The following C1orf174 variants were observed in gnomAD, a reference collection of about 807,000 sequenced individuals.
C1orf174 encodes UPF0688 protein C1orf174.
In C1orf174, 13 loss-of-function variants were observed where a neutral mutation model predicts 18.4. The ratio of observed to expected loss-of-function variants is 0.71; its 90% CI spans 0.46 to 1.12. The LOEUF (loss-of-function observed/expected upper bound fraction) is 1.12. C1orf174 is among the 50% of genes most tolerant of loss of function. The pLI is 0.00. For missense variants in C1orf174, 309 were observed against 308.0 expected (o/e 1.00, Z -0.02); for synonymous variants, 100 against 118.3 (o/e 0.85, Z 1.01).
At chr1:3,894,606 C>CA (rs56302416) in intron 1 of C1orf174, among the ~76,000 whole-genome samples, 56,022 of 112,146 alleles carry the variant, frequency 0.5, 13,717 homozygotes, top group Non-Finnish European at 0.57. Flanking sequence ...GACTCCGTCT[C>CA]AAAAAAAAAA....
At chr1:3,896,576 C>T (rs530640091) in intron 1 of C1orf174, among the ~76,000 whole-genome samples, 2 of 152,242 alleles carry the variant, frequency 1.3e-5, no homozygotes, top group Admixed American at 6.5e-5. Context: ...GGAGAAGTTC[C>T]GGCCTAAGGG....
intron 1 of C1orf174, among the ~76,000 whole-genome samples, chr1:3,893,844 C>T (rs1458623852): frequency 3.9e-5 from 6 of 152,174 alleles, no homozygotes; most frequent in African/African-American, 1.2e-4. Flanking sequence ...CTGTAGTGAG[C>T]TATGACTGCA....
Position 3,889,876 on chromosome 1 carries a change from A to C in C1orf174, c.*84T>G. 1 of 1,216,304 alleles carries C rather than the reference A, an allele frequency of 8.2e-7. No homozygotes were observed. Among genetic ancestry groups the C allele is most frequent in the East Asian group, 2.3e-5 (1 of 42,894 alleles). 75.3% of individuals were successfully genotyped at this position (1,216,304 alleles called of 1,614,324 possible). On this transcript the variant is annotated 3_prime_UTR_variant, in exon 4 of 4. Coordinates refer to ENST00000361605, the MANE Select transcript of C1orf174 (RefSeq NM_207356.3). ...TTGATTAAGACATTCTCTTGGAGAT[A>C]CATTTTATATAAATCTTGTAATGTG...
intron 1 of C1orf174, chr1:3,895,540 CA>C (rs879413993): frequency 0.12 from 17,593 of 143,404 alleles, 1,190 homozygotes; most frequent in East Asian, 0.25. Flanking sequence ...TGTTAACAGA[CA>C]CCTGAGGATC....
chr1:3,894,327 G>A (rs1238937226), intron 1 of C1orf174, among the ~76,000 whole-genome samples: 5 of 152,102 alleles, frequency 3.3e-5, no homozygotes, highest in Non-Finnish European at 5.9e-5. Flanking sequence ...ATCTGTCTCG[G>A]CTGGGCGCGG....
chr1:3,890,023 G>A lies in C1orf174; in HGVS notation c.669C>T (p.Phe223=). 1.2e-6 allele frequency: 2 copies of A among 1,614,160 alleles called. No homozygotes were observed. The highest frequency in any genetic ancestry group is 1.7e-6 in the Non-Finnish European group (2 of 1,180,038). The change falls in exon 4 of 4, where the codon TTC becomes TTT. Residue 223 remains phenylalanine, a synonymous_variant. Transcript: ENST00000361605. ...CTTTGGCTCTGAAATGCATTTTTCTGAACTCTCGTCTGCTCATTGAAGGAC... is the reference window on the plus strand; with the variant it reads ...CTTTGGCTCTGAAATGCATTTTTCTAAACTCTCGTCTGCTCATTGAAGGAC... ...SSCPSMSRRE[F]RKMHFRAKDD...
chr1:3,891,463 T>C (rs1638511940), intron 2 of C1orf174: 2 of 389,462 alleles, frequency 5.1e-6, no homozygotes, highest in Admixed American at 1.1e-4. Context: ...TATTCACCAA[T>C]TAGTGCCTGG....
At position 3,889,634 on chromosome 1, in the gene C1orf174, G is replaced by T. The variant is rs1638464025; in HGVS notation, c.*326C>A. On this transcript the variant is annotated 3_prime_UTR_variant, in exon 4 of 4. Transcript: ENST00000361605. ...CACTTGAACCCAGGAGGTGGAGGTT[G>T]CAGTGAGCCGAGATTGCGCCATTGC... 1 of 214,050 alleles carries T rather than the reference G, an allele frequency of 4.7e-6. No individual in the cohort carries two copies. Among genetic ancestry groups the T allele is most frequent in the African/African-American group, 2.3e-5 (1 of 42,894 alleles). The allele number at this position is 214,050 out of a possible 1,614,324, so 13.3% of individuals were successfully genotyped here.
At chr1:3,896,339 G>T (rs535495704) in intron 1 of C1orf174, among the ~76,000 whole-genome samples, 66 of 152,302 alleles carry the variant, frequency 4.3e-4, no homozygotes, top group African/African-American at 1.5e-3. Flanking sequence ...GAAGACTGGG[G>T]CCCCATCAAC....
chr1:3,892,595 G>A lies in C1orf174; in HGVS notation c.129+288C>T, dbSNP rs111288459. 283 of 414,804 alleles carry A rather than the reference G, an allele frequency of 6.8e-4. No individual in the cohort carries two copies. In the African/African-American group the frequency reaches 7.2e-3, roughly 11 times the overall value. 25.7% of individuals were successfully genotyped at this position (414,804 alleles called of 1,614,324 possible). On this transcript the variant is annotated intron_variant, in intron 2 of 3. Coordinates refer to ENST00000361605, the MANE Select transcript of C1orf174 (RefSeq NM_207356.3). ...ACGGGTGGGCGGGTGCTAGGATCAGGGCCCGGGTCTAGACACACACACGGG... is the reference window on the plus strand; with the variant it reads ...ACGGGTGGGCGGGTGCTAGGATCAGAGCCCGGGTCTAGACACACACACGGG...
intron 3 of C1orf174, 129 bp from the exon 4 acceptor site, chr1:3,890,202 T>C (rs1638479461): frequency 4.2e-6 from 3 of 718,798 alleles, no homozygotes; most frequent in East Asian, 5.4e-5. Flanking sequence ...TGAAAATGCC[T>C]GAGTCCCAGC....
chr1:3,893,165 G>A (rs1638546127), intron 1 of C1orf174, among the ~76,000 whole-genome samples, 169 bp from the exon 2 acceptor site: 1 of 152,170 alleles, frequency 6.6e-6, no homozygotes, highest in Non-Finnish European at 1.5e-5. Context: ...AAATGAAACT[G>A]TGCCTGGATT....
intron 2 of C1orf174, chr1:3,891,596 T>A (rs1342212651): frequency 1.0e-6 from 1 of 986,470 alleles, no homozygotes; most frequent in Non-Finnish European, 1.2e-6. Flanking sequence ...ACCCCTCAAC[T>A]GTAGGCTCCG....
intron 1 of C1orf174, among the ~76,000 whole-genome samples, chr1:3,894,309 CAGAAAT>C: frequency 6.6e-6 from 1 of 152,140 alleles, no homozygotes; most frequent in South Asian, 2.1e-4. Flanking sequence ...AAATAAAACA[CAGAAAT>C]AATCTGTCTC....
At position 3,890,913 on chromosome 1, in the gene C1orf174, A is replaced by G; in HGVS notation, c.274T>C (p.Cys92Arg). ...SLPKVTPETP[C>R]ENEFAEGSAL... ...CTGCCTTCAGCAAACTCATTTTCAC[A>G]AGGGGTCTCAGGTGTCACTTTTGGC... The change falls in exon 3 of 4, where the codon TGT (cysteine) becomes CGT (arginine). Residue 92 changes from cysteine (C) to arginine (R), a missense_variant. Cys to Arg is a radical substitution (Grantham distance 180). Transcript: ENST00000361605. 6.2e-7 allele frequency: 1 copy of G among 1,613,960 alleles called. No individual in the cohort carries two copies. The highest frequency in any genetic ancestry group is 8.5e-7 in the Non-Finnish European group (1 of 1,180,018).
rs757998394 is a variant in C1orf174, at chr1:3,892,970, C to T, written c.42G>A (p.Ala14=). 1.6e-4 allele frequency: 253 copies of T among 1,613,972 alleles called. 1 individual carries two copies. Among genetic ancestry groups the T allele is most frequent in the Admixed American group, 3.7e-4 (22 of 59,992 alleles). The change falls in exon 2 of 4, where the codon GCG becomes GCA. Residue 14 remains alanine, a synonymous_variant. Transcript: ENST00000361605. The stretch of plus-strand genomic sequence containing the variant: ...CCGAACAACTTCGTGCTTTCAAGCG[C>T]GCTGAAGACCGCACTGCACCTGTGA... The part of the protein sequence containing the change: ...RKLTGAVRSS[A]RLKARSCSAA...
rs1276220997 is a variant in C1orf174, at chr1:3,890,038, C to T, written c.654G>A (p.Met218Ile). ...GCATTTTTCTGAACTCTCGTCTGCTCATTGAAGGACAAGATGAAGACGCAG... is the reference window on the plus strand; with the variant it reads ...GCATTTTTCTGAACTCTCGTCTGCTTATTGAAGGACAAGATGAAGACGCAG... Reference protein sequence around the residue: ...LPPASSSCPSMSRREFRKMHF... With the variant: ...LPPASSSCPSISRREFRKMHF... Residue 218 changes from methionine to isoleucine, a missense_variant, in exon 4 of 4, where the codon ATG becomes ATA. Coordinates refer to ENST00000361605, the MANE Select transcript of C1orf174 (RefSeq NM_207356.3). 6.2e-7 allele frequency: 1 copy of T among 1,614,160 alleles called. No homozygotes were observed. The highest frequency in any genetic ancestry group is 8.5e-7 in the Non-Finnish European group (1 of 1,180,034).
chr1:3,894,212 C>G (rs1049342754), intron 1 of C1orf174, among the ~76,000 whole-genome samples: 1 of 152,066 alleles, frequency 6.6e-6, no homozygotes. Context: ...TGCCAACAGG[C>G]CCTAGAACTG....
In C1orf174 at chr1:3,890,025, A is replaced by C. The variant is rs1638474130; in HGVS notation, c.667T>G (p.Phe223Val). Residue 223 changes from phenylalanine (F) to valine (V), a missense_variant, in exon 4 of 4, where the codon TTC (phenylalanine) becomes GTC (valine). Transcript: ENST00000361605. ...TTGGCTCTGAAATGCATTTTTCTGA[A>C]CTCTCGTCTGCTCATTGAAGGACAA... ...SSCPSMSRRE[F>V]RKMHFRAKDD... 1.2e-6 allele frequency: 2 copies of C among 1,614,040 alleles called. No individual in the cohort carries two copies. The highest frequency in any genetic ancestry group is 2.7e-5 in the African/African-American group (2 of 74,904).
Sources: gnomAD v4.1 joint callset for allele counts (sites outside exome capture counted in the v4.1 genomes callset) on GRCh38, gnomAD v4.1.1 for gene constraint, MANE v1.5 for transcripts, NCBI Gene and HGNC (gene_info 2026-07-23, HGNC 2026-07-21) for gene names.